The following PRKCE variants were observed in gnomAD, a reference collection of about 807,000 sequenced individuals.
PRKCE encodes the protein protein kinase C epsilon type.
In PRKCE, 16 loss-of-function variants were observed where a neutral mutation model predicts 85.4. That is an observed-to-expected ratio of 0.19 (90% CI 0.13 to 0.28). PRKCE has a LOEUF of 0.28. PRKCE is among the 10% of genes least tolerant of loss of function. The probability of loss-of-function intolerance (pLI) is 1.00; values close to 1 mark genes in which losing one functional copy is unlikely to be tolerated. For missense variants in PRKCE, 573 were observed against 975.2 expected, an observed-to-expected ratio of 0.59 and a Z score of 5.49; for synonymous variants, 388 against 371.5, an observed-to-expected ratio of 1.04 and a Z score of -0.51.
chr2:45,736,372 T>C (rs1158732313), intron 1 of PRKCE, among the ~76,000 whole-genome samples: 2 of 152,206 alleles, frequency 1.3e-5, no homozygotes, highest in Non-Finnish European at 2.9e-5. Context: ...GTTGGAAGGC[T>C]GCTCTGGGTG....
chr2:45,773,952 G>A (rs1165171676), intron 1 of PRKCE, among the ~76,000 whole-genome samples: 5 of 152,216 alleles, frequency 3.3e-5, no homozygotes, highest in African/African-American at 4.8e-5. Context: ...CCTGCTGAGC[G>A]ATGCTCTTGC....
Position 45,671,466 on chromosome 2 carries a change from T to C in PRKCE, c.348+19018T>C, listed in dbSNP as rs116539957. On this transcript the variant is annotated intron_variant, in intron 1 of 14. Coordinates refer to ENST00000306156, the MANE Select transcript of PRKCE (RefSeq NM_005400.3). The stretch of plus-strand genomic sequence containing the variant: ...ATTGATATCAGTACCATTACACATT[T>C]AATACCATTATCCATTTATGCATTT... 4.4e-3 allele frequency among the ~76,000 whole-genome samples: 674 copies of C among 152,308 alleles called. 7 individuals carry two copies. The highest frequency in any genetic ancestry group is 0.016 in the African/African-American group (647 of 41,556).
chr2:46,102,081 G>T (rs915641165), intron 11 of PRKCE, among the ~76,000 whole-genome samples: 3 of 152,122 alleles, frequency 2.0e-5, no homozygotes, highest in African/African-American at 7.2e-5. Context: ...CCCATTCTGT[G>T]TTCAGTCACA....
At chr2:45,851,571 A>G (rs1692260230) in intron 2 of PRKCE, 1 of 152,220 alleles carries the variant, frequency 6.6e-6, no homozygotes, top group South Asian at 2.1e-4. Context: ...TTTCTTGTCA[A>G]GCTTATTATT....
intron 1 of PRKCE, among the ~76,000 whole-genome samples, chr2:45,731,670 A>T (rs1309736714): frequency 1.4e-5 from 2 of 143,936 alleles, no homozygotes; most frequent in African/African-American, 5.2e-5. Context: ...GTTGCCCAGG[A>T]AGAAGTGCAG....
Position 46,151,246 on chromosome 2 carries a change from C to T in PRKCE, c.1920+17C>T, listed in dbSNP as rs1676588512. The T allele has an allele frequency of 2.5e-6, 4 of 1,589,180 alleles. No homozygotes were observed. Among genetic ancestry groups the T allele is most frequent in the East Asian group, 2.2e-5 (1 of 44,626 alleles). On this transcript the variant is annotated intron_variant, in intron 13 of 14. Coordinates refer to ENST00000306156, the MANE Select transcript of PRKCE (RefSeq NM_005400.3). ...TTGAAAGCTGTGAGTCACTGCCCCTCACCCATGGCTGTGCTCTCCTGGGCT... is the reference window on the plus strand; with the variant it reads ...TTGAAAGCTGTGAGTCACTGCCCCTTACCCATGGCTGTGCTCTCCTGGGCT...
At chr2:46,005,600 C>A (rs938776980) in intron 8 of PRKCE, among the ~76,000 whole-genome samples, 1 of 152,230 alleles carries the variant, frequency 6.6e-6, no homozygotes, top group South Asian at 2.1e-4. Context: ...CAAGACTGTA[C>A]CCATGCTGGC....
intron 6 of PRKCE, among the ~76,000 whole-genome samples, chr2:45,985,212 A>G (rs542607232): frequency 2.6e-5 from 4 of 152,266 alleles, no homozygotes; most frequent in Non-Finnish European, 5.9e-5. Context: ...AGACTAAGCA[A>G]CTTGCTCACA....
intron 11 of PRKCE, among the ~76,000 whole-genome samples, chr2:46,107,940 G>A (rs542755062): frequency 6.6e-5 from 10 of 151,952 alleles, no homozygotes; most frequent in Non-Finnish European, 1.5e-5. Flanking sequence ...TTTTGTTTTT[G>A]TTTTCTTCTA....
chr2:45,865,053 A>G (rs1346466966), intron 2 of PRKCE, among the ~76,000 whole-genome samples: 1 of 152,186 alleles, frequency 6.6e-6, no homozygotes, highest in Non-Finnish European at 1.5e-5. Flanking sequence ...TTAGAGTAGG[A>G]CATCTCAAAC....
At chr2:45,992,532 A>G (rs758781869) in intron 6 of PRKCE, among the ~76,000 whole-genome samples, 1 of 152,032 alleles carries the variant, frequency 6.6e-6, no homozygotes, top group Non-Finnish European at 1.5e-5. Context: ...ACAATTTCCC[A>G]TTTGCAAATA....
chr2:45,781,033 T>G (rs1015186020), intron 1 of PRKCE, among the ~76,000 whole-genome samples: 2 of 152,168 alleles, frequency 1.3e-5, no homozygotes, highest in East Asian at 1.9e-4. Flanking sequence ...ATCACTTAAT[T>G]TAGAAATCAA....
At chr2:45,996,173 A>G (rs1704200267) in intron 6 of PRKCE, among the ~76,000 whole-genome samples, 1 of 152,124 alleles carries the variant, frequency 6.6e-6, no homozygotes, top group Non-Finnish European at 1.5e-5. Flanking sequence ...TTGCTGGTGT[A>G]TAGGAAAACA....
intron 1 of PRKCE, among the ~76,000 whole-genome samples, chr2:45,831,364 G>T (rs539711366): frequency 6.6e-6 from 1 of 152,360 alleles, no homozygotes; most frequent in African/African-American, 2.4e-5. Flanking sequence ...TGTCAACCTT[G>T]ATAGGTTAAG....
At chr2:45,947,348 G>A (rs531315027) in intron 2 of PRKCE, among the ~76,000 whole-genome samples, 5 of 152,060 alleles carry the variant, frequency 3.3e-5, no homozygotes, top group Admixed American at 6.5e-5. Context: ...AGGGATGCCT[G>A]GTAAAGGGTG....
At chr2:46,026,123 A>G (rs1220785295) in intron 10 of PRKCE, among the ~76,000 whole-genome samples, 3 of 152,262 alleles carry the variant, frequency 2.0e-5, no homozygotes, top group African/African-American at 7.2e-5. Context: ...ACTATTGAGC[A>G]TGAAATGCAG....
At chr2:46,105,449 CT>C (rs35214817) in intron 11 of PRKCE, among the ~76,000 whole-genome samples, 83,324 of 143,158 alleles carry the variant, frequency 0.58, 24,560 homozygotes, top group East Asian at 0.66. Context: ...TTTATCTTTC[CT>C]TTTTTTTTTT....
At chr2:45,910,875 CA>C (rs1244513746) in intron 2 of PRKCE, among the ~76,000 whole-genome samples, 1 of 152,164 alleles carries the variant, frequency 6.6e-6, no homozygotes, top group East Asian at 1.9e-4. Flanking sequence ...TGCTGTGCAG[CA>C]AACCGTACAA....
intron 2 of PRKCE, among the ~76,000 whole-genome samples, chr2:45,917,978 C>T (rs1434980602): frequency 4.6e-5 from 7 of 152,182 alleles, no homozygotes; most frequent in African/African-American, 1.7e-4. Context: ...GTGCGGGGCC[C>T]GCCAAGCCCA....
Sources: allele counts gnomAD v4.1 joint callset (sites outside exome capture counted in the v4.1 genomes callset), GRCh38; gene constraint gnomAD v4.1.1; transcripts MANE v1.5; gene names NCBI Gene and HGNC (gene_info 2026-07-23, HGNC 2026-07-21).